Variants in GBP2 observed in about 807,000 individuals in gnomAD.
GBP2 encodes the protein guanylate binding protein 2, also known as guanylate-binding protein 2.
A neutral mutation model predicts 60.8 loss-of-function variants in GBP2; 54 were observed. The observed-to-expected ratio is 0.89, with a 90% CI of 0.71 to 1.11. The LOEUF is 1.11. Among genes scored for constraint, GBP2 ranks in the 50% most tolerant of loss-of-function variants. GBP2 has a pLI of 0.00. For synonymous variants in GBP2, 243 were observed against 256.5 expected, an observed-to-expected ratio of 0.95 and a Z score of 0.50; for missense variants, 665 against 703.3, an observed-to-expected ratio of 0.95 and a Z score of 0.62.
At chr1:89,111,867 G>A (rs992935320) in intron 8 of GBP2, among the ~76,000 whole-genome samples, 1 of 152,106 alleles carries the variant, frequency 6.6e-6, no homozygotes, top group East Asian at 1.9e-4. Flanking sequence ...TTTCAATGAT[G>A]TGATTATTGT....
At chr1:89,108,412 C>A in intron 10 of GBP2, 121 bp from the exon 11 acceptor site, 1 of 529,012 alleles carries the variant, frequency 1.9e-6, no homozygotes, top group Non-Finnish European at 3.3e-6. Flanking sequence ...TTCTGAGTCT[C>A]CTATACCTGC....
intron 4 of GBP2, chr1:89,119,872 TAG>T: frequency 3.5e-6 from 1 of 288,650 alleles, no homozygotes; most frequent in South Asian, 4.1e-5. Context: ...GATAAGAATA[TAG>T]AGAGTTGCAG....
intron 1 of GBP2, among the ~76,000 whole-genome samples, chr1:89,122,304 C>T (rs543184292): frequency 1.3e-5 from 2 of 152,246 alleles, no homozygotes; most frequent in Admixed American, 6.5e-5. Flanking sequence ...AACTAATTTA[C>T]ACTCCTTATT....
At chr1:89,124,457 C>T (rs1007008610) in intron 1 of GBP2, among the ~76,000 whole-genome samples, 3 of 152,140 alleles carry the variant, frequency 2.0e-5, no homozygotes, top group Admixed American at 6.5e-5. Flanking sequence ...TTCACATTCA[C>T]GTTTAGATAT....
At chr1:89,114,399 T>G in intron 6 of GBP2, 103 bp from the exon 7 acceptor site, 1 of 1,339,818 alleles carries the variant, frequency 7.5e-7, no homozygotes, top group East Asian at 2.5e-5. Context: ...TTAAATAAGT[T>G]TTGGATAAAG....
Position 89,106,888 on chromosome 1 carries a change from A to C in GBP2, c.*1287T>G, listed in dbSNP as rs186799624. ...AAGGTGGTGGCATCCATTTACTCAT[A>C]GCTGACACTGCAGAAGCTTCCAGCA... On this transcript the variant is annotated 3_prime_UTR_variant, in exon 11 of 11. Transcript: ENST00000370466. 1.1e-4 allele frequency: 16 copies of C among 152,282 alleles called. No homozygotes were observed. In the East Asian group the frequency reaches 3.1e-3, roughly 29 times the overall value. 9.4% of individuals were successfully genotyped at this position (152,282 alleles called of 1,614,324 possible).
chr1:89,109,706 G>C lies in GBP2; in HGVS notation c.1630C>G (p.Gln544Glu). Residue 544 changes from glutamine (Q) to glutamate (E), a missense_variant, in exon 10 of 11, where the codon CAA becomes GAA. Physicochemically the swap from Gln to Glu is conservative, Grantham distance 29. Coordinates refer to ENST00000370466, the MANE Select transcript of GBP2 (RefSeq NM_004120.5). Reference sequence around the variant, plus strand: ...AGTTTAAGAGCGAGGGTCTTCTCTTGCTCTGCCATTAACTGGGCCCTGTCC... The same window carrying C: ...AGTTTAAGAGCGAGGGTCTTCTCTTCCTCTGCCATTAACTGGGCCCTGTCC... ...ERDRAQLMAEQEKTLALKLQE... is the reference protein window; with the variant it reads ...ERDRAQLMAEEEKTLALKLQE... 1 of 1,613,940 alleles carries C rather than the reference G, an allele frequency of 6.2e-7. No homozygotes were observed. Among genetic ancestry groups the C allele is most frequent in the South Asian group, 1.1e-5 (1 of 91,066 alleles).
chr1:89,117,753 T>C lies in GBP2; in HGVS notation c.449A>G (p.Asp150Gly), dbSNP rs1681309926. 1 of 1,609,846 alleles carries C rather than the reference T, an allele frequency of 6.2e-7. No homozygotes were observed. The highest frequency in any genetic ancestry group is 8.5e-7 in the Non-Finnish European group (1 of 1,178,384). The change falls in exon 5 of 11, where the codon GAT (aspartate) becomes GGT (glycine). Residue 150 changes from aspartate to glycine, a missense_variant. Asp to Gly is a moderately conservative substitution (Grantham distance 94). Coordinates refer to ENST00000370466, the MANE Select transcript of GBP2 (RefSeq NM_004120.5). The part of the protein sequence containing the change: ...DQLHYVTELT[D>G]RIKANSSPGN... ...AGGTGAGGAGTTTGCCTTGATTCGA[T>C]CTGTCAGCTCTGTCACATAGCTGAG...
In GBP2 at chr1:89,114,188, A is replaced by G. The variant is rs890917770; in HGVS notation, c.977T>C (p.Val326Ala). The part of the protein sequence containing the change: ...ALAQIENSAA[V>A]EKAIAHYEQQ... The stretch of plus-strand genomic sequence containing the variant: ...TTCATAGTGGGCAATAGCCTTTTCC[A>G]CTGCGGCTGAGTTCTCTATCTGGGC... Residue 326 changes from valine to alanine, a missense_variant, in exon 7 of 11, where the codon GTG (valine) becomes GCG (alanine). Coordinates refer to ENST00000370466, the MANE Select transcript of GBP2 (RefSeq NM_004120.5). 5.6e-6 allele frequency: 9 copies of G among 1,614,102 alleles called. No individual in the cohort carries two copies. The highest frequency in any genetic ancestry group is 7.6e-6 in the Non-Finnish European group (9 of 1,180,042).
intron 1 of GBP2, among the ~76,000 whole-genome samples, chr1:89,124,816 A>G (rs1202812364): frequency 6.6e-6 from 1 of 152,198 alleles, no homozygotes; most frequent in Non-Finnish European, 1.5e-5. Flanking sequence ...TTACTCAATT[A>G]TGTTACCAGA....
At chr1:89,119,373 A>G (rs1570322366) in intron 4 of GBP2, 1 of 152,340 alleles carries the variant, frequency 6.6e-6, no homozygotes, top group South Asian at 2.1e-4. Flanking sequence ...CTAATTCAGT[A>G]TAATGCTTGA....
intron 7 of GBP2, chr1:89,113,097 G>GT (rs1357759909): frequency 4.8e-6 from 1 of 209,418 alleles, no homozygotes; most frequent in East Asian, 1.3e-4. Context: ...TTCCTTGTCT[G>GT]TGCAGCAGAG....
intron 6 of GBP2, among the ~76,000 whole-genome samples, chr1:89,114,552 T>C (rs1681230648): frequency 6.6e-6 from 1 of 152,234 alleles, no homozygotes; most frequent in East Asian, 1.9e-4. Context: ...ATGTGTTTTC[T>C]TACCTTTCTT....
At chr1:89,117,480 C>T (rs1570320911) in intron 5 of GBP2, 97 bp downstream of exon 5, 1 of 1,149,718 alleles carries the variant, frequency 8.7e-7, no homozygotes, top group Non-Finnish European at 1.3e-6. Context: ...CAGAAAAATA[C>T]AGTTAAAAAT....
chr1:89,116,083 G>A (rs1161852321), intron 6 of GBP2, among the ~76,000 whole-genome samples: 1 of 151,880 alleles, frequency 6.6e-6, no homozygotes, highest in Admixed American at 6.6e-5. Flanking sequence ...TGCAGTCTCC[G>A]CTCACTGCAA....
At chr1:89,115,639 A>G (rs1358070148) in intron 6 of GBP2, among the ~76,000 whole-genome samples, 2 of 152,082 alleles carry the variant, frequency 1.3e-5, no homozygotes, top group Non-Finnish European at 2.9e-5. Flanking sequence ...CTGGTCTGTC[A>G]CCCAAGCTGA....
At chr1:89,125,159 C>A (rs921335779) in intron 1 of GBP2, among the ~76,000 whole-genome samples, 39 of 152,292 alleles carry the variant, frequency 2.6e-4, no homozygotes, top group African/African-American at 8.2e-4. Context: ...TTTATAACTT[C>A]TTTAACAAAC....
At position 89,114,172 on chromosome 1, in the gene GBP2, G is replaced by C; in HGVS notation, c.993C>G (p.Ala331=). The change falls in exon 7 of 11, where the codon GCC becomes GCG. Residue 331 remains alanine, a synonymous_variant. Transcript: ENST00000370466. ...ENSAAVEKAI[A]HYEQQMGQKV... ...TCTGGCCCATCTGCTGTTCATAGTG[G>C]GCAATAGCCTTTTCCACTGCGGCTG... The C allele has an allele frequency of 6.2e-7, 1 of 1,614,208 alleles. No homozygotes were observed. Among genetic ancestry groups the C allele is most frequent in the Non-Finnish European group, 8.5e-7 (1 of 1,180,042 alleles).
At chr1:89,121,379 C>A in intron 2 of GBP2, 109 bp from the exon 3 acceptor site, 5 of 966,684 alleles carry the variant, frequency 5.2e-6, no homozygotes, top group South Asian at 4.3e-5. Flanking sequence ...GAAAATACAA[C>A]TGGCATAAAT....
Sources: allele counts gnomAD v4.1 joint callset (sites outside exome capture counted in the v4.1 genomes callset), GRCh38; gene constraint gnomAD v4.1.1; transcripts MANE v1.5; gene names NCBI Gene and HGNC (gene_info 2026-07-23, HGNC 2026-07-21).